The following TBC1D8 variants were observed in gnomAD, a reference collection of about 807,000 sequenced individuals.
The protein encoded by TBC1D8 is TBC1 domain family member 8, also known as BUB2-like protein 1.
Under a neutral mutation model 118.8 loss-of-function variants are expected in TBC1D8, and 65 were observed. The observed-to-expected ratio is 0.55, with a 90% CI of 0.45 to 0.67. The LOEUF (loss-of-function observed/expected upper bound fraction) is 0.67. TBC1D8 is among the 30% of genes least tolerant of loss of function. The pLI is 0.00. For missense variants in TBC1D8, 1,376 were observed against 1,471.2 expected (o/e 0.94, Z 1.06); for synonymous variants, 566 against 595.8 (o/e 0.95, Z 0.73).
At chr2:101,045,240 G>A (rs1429882517) in intron 5 of TBC1D8, among the ~76,000 whole-genome samples, 1 of 152,190 alleles carries the variant, frequency 6.6e-6, no homozygotes, top group Non-Finnish European at 1.5e-5. Context: ...ATCCCTAAGA[G>A]GACCCAAGAA....
At chr2:101,146,671 C>T (rs189291796) in intron 1 of TBC1D8, among the ~76,000 whole-genome samples, 4 of 152,264 alleles carry the variant, frequency 2.6e-5, no homozygotes, top group East Asian at 1.9e-4. Context: ...TTATCCAATT[C>T]GGGTAGTTAG....
chr2:101,010,565 AT>A (rs1475480564), intron 19 of TBC1D8, among the ~76,000 whole-genome samples: 1 of 151,858 alleles, frequency 6.6e-6, no homozygotes, highest in East Asian at 1.9e-4. Context: ...CCCAAGCTTG[AT>A]TCTCAGATTA....
chr2:101,037,847 C>T (rs1348123457), intron 7 of TBC1D8, 139 bp from the exon 8 acceptor site: 13 of 1,040,406 alleles, frequency 1.2e-5, no homozygotes, highest in African/African-American at 4.8e-5. Context: ...GACAGACTGA[C>T]GCCAGACCAG....
Position 101,030,455 on chromosome 2 carries a change from A to T in TBC1D8, c.1937-679T>A, listed in dbSNP as rs76657979. On this transcript the variant is annotated intron_variant, in intron 11 of 19. Transcript: ENST00000409318. ...GAGAAATGCAAATTAAAACCACCAT[A>T]ATTATACCACTTCTTACCCACTAGA... Among the ~76,000 whole-genome samples the T allele has an allele frequency of 1.1e-3, 170 of 152,290 alleles. 3 individuals are homozygous for T. The East Asian group carries it at 0.022, about 20-fold the overall frequency.
At chr2:101,068,471 C>T in intron 2 of TBC1D8, 1 of 374,282 alleles carries the variant, frequency 2.7e-6, no homozygotes, top group Non-Finnish European at 4.9e-6. Context: ...GTCAATGTTC[C>T]AGGAAGTTCT....
intron 2 of TBC1D8, among the ~76,000 whole-genome samples, chr2:101,072,038 T>A (rs758997833): frequency 1.4e-4 from 21 of 152,206 alleles, no homozygotes; most frequent in Non-Finnish European, 2.9e-4. Context: ...TTAGCAGGCA[T>A]GAAAGCAACA....
Position 101,032,656 on chromosome 2 carries a change from G to T in TBC1D8, c.1819-271C>A, listed in dbSNP as rs921157959. The T allele has an allele frequency of 3.4e-5, 13 of 378,466 alleles. No individual in the cohort carries two copies. In the East Asian group the frequency reaches 5.0e-4, roughly 15 times the overall value. The allele number at this position is 378,466 out of a possible 1,614,324, so 23.4% of individuals were successfully genotyped here. On this transcript the variant is annotated intron_variant, in intron 10 of 19. Transcript: ENST00000409318. Reference sequence around the variant, plus strand: ...AGCTGTGGTGCAAGTCTTAAGGTTGGTTTAAATCCAGCTATTCGCTGTTTG... The same window carrying T: ...AGCTGTGGTGCAAGTCTTAAGGTTGTTTTAAATCCAGCTATTCGCTGTTTG...
chr2:101,046,211 C>G (rs1681692930), intron 5 of TBC1D8, among the ~76,000 whole-genome samples: 1 of 152,234 alleles, frequency 6.6e-6, no homozygotes, highest in African/African-American at 2.4e-5. Flanking sequence ...CATGCAGCTG[C>G]TAGGACACAC....
chr2:101,116,712 C>T (rs1192353673), intron 1 of TBC1D8, among the ~76,000 whole-genome samples: 1 of 151,784 alleles, frequency 6.6e-6, no homozygotes, highest in Non-Finnish European at 1.5e-5. Context: ...GCAATCTCAG[C>T]TCACTGCAGC....
At chr2:101,140,666 A>T (rs66535042) in intron 1 of TBC1D8, among the ~76,000 whole-genome samples, 18,561 of 151,848 alleles carry the variant, frequency 0.12, 1,236 homozygotes, top group Non-Finnish European at 0.16. Context: ...TGCTGCTCCC[A>T]CTTACCAACT....
At chr2:101,125,018 G>C (rs992716943) in intron 1 of TBC1D8, among the ~76,000 whole-genome samples, 2 of 152,180 alleles carry the variant, frequency 1.3e-5, no homozygotes, top group Non-Finnish European at 2.9e-5. Context: ...CGTGACATTT[G>C]TGTGTGAATC....
chr2:101,013,138 G>A, intron 17 of TBC1D8, among the ~76,000 whole-genome samples: 1 of 152,166 alleles, frequency 6.6e-6, no homozygotes, highest in Non-Finnish European at 1.5e-5. Context: ...AAGGAGGCAG[G>A]TAAAGTATTA....
intron 5 of TBC1D8, among the ~76,000 whole-genome samples, chr2:101,042,155 C>A (rs1403400158): frequency 6.6e-6 from 1 of 151,970 alleles, no homozygotes; most frequent in Admixed American, 6.6e-5. Context: ...TGCATCACAT[C>A]AGTAATGACA....
intron 17 of TBC1D8, among the ~76,000 whole-genome samples, chr2:101,013,275 A>G (rs2278725): frequency 0.19 from 28,650 of 152,220 alleles, 2,907 homozygotes; most frequent in Middle Eastern, 0.32. Context: ...TCCACGATCT[A>G]TTGATGATCA....
At chr2:101,095,950 T>C (rs969891910) in intron 1 of TBC1D8, among the ~76,000 whole-genome samples, 2 of 152,130 alleles carry the variant, frequency 1.3e-5, no homozygotes, top group African/African-American at 4.8e-5. Flanking sequence ...GCTACTATTA[T>C]AGAACTCTTC....
intron 1 of TBC1D8, among the ~76,000 whole-genome samples, chr2:101,139,848 C>A (rs1040594908): frequency 6.6e-6 from 1 of 152,136 alleles, no homozygotes; most frequent in Non-Finnish European, 1.5e-5. Flanking sequence ...TATTCTCTCT[C>A]GCATCCCCTG....
At chr2:101,136,123 A>G (rs12475802) in intron 1 of TBC1D8, among the ~76,000 whole-genome samples, 122,452 of 152,096 alleles carry the variant, frequency 0.81, 49,864 homozygotes, top group East Asian at 0.96. Context: ...CAAAGTGCTG[A>G]GATTACAGCA....
At chr2:101,103,672 G>A (rs573438393) in intron 1 of TBC1D8, among the ~76,000 whole-genome samples, 10 of 152,174 alleles carry the variant, frequency 6.6e-5, no homozygotes, top group South Asian at 4.1e-4. Flanking sequence ...GATTACAGGC[G>A]TGAGCCACCG....
chr2:101,009,892 G>A (rs1250190974), intron 19 of TBC1D8, among the ~76,000 whole-genome samples: 2 of 150,948 alleles, frequency 1.3e-5, no homozygotes, highest in African/African-American at 4.9e-5. Context: ...TGCGATCTCG[G>A]CTCACTGCAA....
Sources: gnomAD v4.1 joint callset for allele counts (sites outside exome capture counted in the v4.1 genomes callset) on GRCh38, gnomAD v4.1.1 for gene constraint, MANE v1.5 for transcripts, NCBI Gene and HGNC (gene_info 2026-07-23, HGNC 2026-07-21) for gene names.